FAM107B: variants seen among roughly 807,000 people sequenced by gnomAD.
FAM107B encodes protein FAM107B.
Under a neutral mutation model 31.5 loss-of-function variants are expected in FAM107B, and 21 were observed. That is an observed-to-expected ratio of 0.67 (90% confidence interval 0.47 to 0.96). The LOEUF (loss-of-function observed/expected upper bound fraction) is 0.96, where lower values mean the gene tolerates loss of function less well. Among genes scored for constraint, FAM107B ranks in the 40% least tolerant of loss-of-function variants. The probability of loss-of-function intolerance (pLI) is 0.00; values close to 1 mark genes in which losing one functional copy is unlikely to be tolerated. For missense variants in FAM107B, 452 were observed against 377.1 expected, an observed-to-expected ratio of 1.20 and a Z score of -1.64; for synonymous variants, 157 against 141.5, an observed-to-expected ratio of 1.11 and a Z score of -0.78.
chr10:14,624,213 C>G (rs188611121), intron 2 of FAM107B, among the ~76,000 whole-genome samples: 1 of 152,114 alleles, frequency 6.6e-6, no homozygotes, highest in Admixed American at 6.5e-5. Flanking sequence ...AATGGAGTGG[C>G]TATAAGGATG....
rs1588732199 is a variant in FAM107B, at chr10:14,723,708, G to A, written c.411+50545C>T. On this transcript the variant is annotated intron_variant, in intron 1 of 4. Transcript: ENST00000181796. ...TAACCACAAGAAGTCATGGCTCCCA[G>A]AAGGCTGCCTGGATCTGGTTAGTGA... 1.1e-5 allele frequency: 8 copies of A among 756,658 alleles called. No individual in the cohort carries two copies. In the Admixed American group the frequency reaches 1.4e-4, roughly 13 times the overall value. 46.9% of individuals were successfully genotyped at this position (756,658 alleles called of 1,614,324 possible). A position where few individuals can be genotyped will look rare whatever the true frequency, so the allele number is the denominator to read the frequency against.
At chr10:14,658,224 T>C (rs1015775146) in intron 2 of FAM107B, among the ~76,000 whole-genome samples, 1 of 152,142 alleles carries the variant, frequency 6.6e-6, no homozygotes, top group Non-Finnish European at 1.5e-5. Context: ...GATAGTTGAG[T>C]CCCATAAAAG....
intron 1 of FAM107B, among the ~76,000 whole-genome samples, chr10:14,709,646 C>A (rs905157535): frequency 6.6e-6 from 1 of 152,144 alleles, no homozygotes; most frequent in Non-Finnish European, 1.5e-5. Context: ...CAAATCATAT[C>A]ATCACTAAAA....
At chr10:14,629,314 A>C (rs1442439925) in intron 2 of FAM107B, among the ~76,000 whole-genome samples, 3 of 95,028 alleles carry the variant, frequency 3.2e-5, no homozygotes, top group African/African-American at 7.6e-5. Flanking sequence ...TATAATATAT[A>C]TAATATATAA....
chr10:14,615,574 G>A (rs1202897599), intron 2 of FAM107B, among the ~76,000 whole-genome samples: 1 of 152,186 alleles, frequency 6.6e-6, no homozygotes, highest in Non-Finnish European at 1.5e-5. Context: ...GCAGATCCAA[G>A]TTTTGCCCAT....
At chr10:14,764,536 C>A (rs1833124121) in intron 1 of FAM107B, among the ~76,000 whole-genome samples, 1 of 152,208 alleles carries the variant, frequency 6.6e-6, no homozygotes, top group Non-Finnish European at 1.5e-5. Context: ...AACCTCCGGC[C>A]TTCCCTGGTG....
Position 14,774,158 on chromosome 10 carries a change from G to T in FAM107B, c.411+95C>A, listed in dbSNP as rs1319928315. On this transcript the variant is annotated intron_variant, in intron 1 of 4. Transcript: ENST00000181796. ...CGCCCGCAATGCCTTATTCAGTAAGGTTAAATGAGTTTGTTTGCTGAAACA... is the reference window on the plus strand; with the variant it reads ...CGCCCGCAATGCCTTATTCAGTAAGTTTAAATGAGTTTGTTTGCTGAAACA... 4 of 1,472,446 alleles carry T rather than the reference G, an allele frequency of 2.7e-6. No individual in the cohort carries two copies. In the African/African-American group the frequency reaches 4.2e-5, roughly 15 times the overall value. The allele number at this position is 1,472,446 out of a possible 1,614,324, so 91.2% of individuals were successfully genotyped here.
At chr10:14,669,563 G>T (rs1405837207) in intron 1 of FAM107B, among the ~76,000 whole-genome samples, 1 of 151,962 alleles carries the variant, frequency 6.6e-6, no homozygotes, top group Non-Finnish European at 1.5e-5. Context: ...AATACTATTT[G>T]GCCATAAAAA....
rs568606189 is a variant in FAM107B, at chr10:14,595,558, T to C, written c.470-65043A>G. On this transcript the variant is annotated intron_variant, in intron 2 of 4. Coordinates refer to ENST00000181796, the MANE Select transcript of FAM107B (RefSeq NM_031453.4). ...CTCCTGCATCAGCCTCCCAAGTAGC[T>C]GGGACCACAGGCGTGCACCACCACG... Among the ~76,000 whole-genome samples, 6 of 151,780 alleles carry C rather than the reference T, an allele frequency of 4.0e-5. No homozygotes were observed. The South Asian group carries it at 1.2e-3, about 32-fold the overall frequency.
intron 2 of FAM107B, among the ~76,000 whole-genome samples, chr10:14,658,304 A>C (rs184593042): frequency 7.2e-5 from 11 of 152,340 alleles, no homozygotes; most frequent in African/African-American, 2.4e-4. Context: ...CTAAGAAAAG[A>C]CTTCCTGTGA....
rs76348845 is a variant in FAM107B, at chr10:14,589,908, T to A, written c.470-59393A>T. Among the ~76,000 whole-genome samples the A allele has an allele frequency of 7.5e-3, 1,137 of 152,302 alleles. 20 individuals are homozygous for A. The highest frequency in any genetic ancestry group is 0.026 in the African/African-American group (1,061 of 41,560). ...GTGATCCTGGGCAAGATATTCAATG[T>A]CTCTATGCCTCAACATCCTCCTCAG... On this transcript the variant is annotated intron_variant, in intron 2 of 4. Coordinates refer to ENST00000181796, the MANE Select transcript of FAM107B (RefSeq NM_031453.4).
intron 1 of FAM107B, among the ~76,000 whole-genome samples, chr10:14,682,005 G>A (rs1854848312): frequency 6.6e-6 from 1 of 152,172 alleles, no homozygotes; most frequent in East Asian, 1.9e-4. Context: ...TCTCACAGAT[G>A]CACACCTGTT....
intron 2 of FAM107B, among the ~76,000 whole-genome samples, chr10:14,540,335 G>A (rs1484265707): frequency 1.3e-5 from 2 of 152,290 alleles, no homozygotes; most frequent in South Asian, 4.1e-4. Flanking sequence ...GCTGTGATCC[G>A]TGGTCACTAA....
chr10:14,576,049 C>A (rs904201910), intron 2 of FAM107B, among the ~76,000 whole-genome samples: 3 of 152,238 alleles, frequency 2.0e-5, no homozygotes, highest in Admixed American at 2.0e-4. Flanking sequence ...GAGTCAAACT[C>A]ACAGAAAGTA....
At chr10:14,575,031 G>A (rs975767306) in intron 2 of FAM107B, among the ~76,000 whole-genome samples, 3 of 152,054 alleles carry the variant, frequency 2.0e-5, no homozygotes, top group East Asian at 1.9e-4. Context: ...TGACTTTACC[G>A]ACCATTGGGA....
chr10:14,647,494 C>T (rs943085555), intron 2 of FAM107B, among the ~76,000 whole-genome samples: 3 of 152,000 alleles, frequency 2.0e-5, no homozygotes, highest in Admixed American at 2.0e-4. Flanking sequence ...GCCTGACCAA[C>T]TTGGTGAAAC....
intron 2 of FAM107B, among the ~76,000 whole-genome samples, chr10:14,642,816 C>T (rs76173222): frequency 0.038 from 5,830 of 152,278 alleles, 177 homozygotes; most frequent in East Asian, 0.13. Flanking sequence ...CACATTCTGC[C>T]TTTCACAAAA....
chr10:14,521,551 A>G (rs990074099), intron 4 of FAM107B, among the ~76,000 whole-genome samples: 1 of 152,194 alleles, frequency 6.6e-6, no homozygotes, highest in African/African-American at 2.4e-5. Flanking sequence ...GGCTAAGGAA[A>G]CAAATCCTGG....
intron 1 of FAM107B, among the ~76,000 whole-genome samples, chr10:14,705,222 G>A (rs1338997911): frequency 1.3e-5 from 2 of 152,056 alleles, no homozygotes; most frequent in African/African-American, 4.8e-5. Context: ...AATAAGCAGT[G>A]ATGAGAATGT....
Sources: allele counts gnomAD v4.1 joint callset (sites outside exome capture counted in the v4.1 genomes callset), GRCh38; gene constraint gnomAD v4.1.1; transcripts MANE v1.5; gene names NCBI Gene and HGNC (gene_info 2026-07-23, HGNC 2026-07-21).